ITCH: variants seen among roughly 807,000 people sequenced by gnomAD.
ITCH encodes E3 ubiquitin-protein ligase Itchy homolog.
A neutral mutation model predicts 126.8 loss-of-function variants in ITCH; 28 were observed. The ratio of observed to expected loss-of-function variants is 0.22; its 90% CI spans 0.16 to 0.30. The LOEUF is 0.30. Ranked by LOEUF, ITCH falls within the 10% of genes least tolerant of loss-of-function variation. The pLI is 1.00. For missense variants in ITCH, 631 were observed against 1,032.4 expected, an observed-to-expected ratio of 0.61 and a Z score of 5.33; for synonymous variants, 342 against 340.0, an observed-to-expected ratio of 1.01 and a Z score of -0.06.
chr20:34,470,252 T>C (rs1987488785), intron 15 of ITCH, 132 bp downstream of exon 15: 1 of 792,094 alleles, frequency 1.3e-6, no homozygotes, highest in Non-Finnish European at 2.3e-6. Flanking sequence ...CTTTCATCTA[T>C]TTTTAGAGCA....
At chr20:34,365,758 C>G (rs1343185150) in intron 1 of ITCH, among the ~76,000 whole-genome samples, 1 of 152,142 alleles carries the variant, frequency 6.6e-6, no homozygotes, top group Non-Finnish European at 1.5e-5. Flanking sequence ...GCAGACAAAC[C>G]AGTAGTCCCC....
rs1294099257 is a variant in ITCH at position 34,509,244 on chromosome 20, T to C, written c.*1450T>C. On this transcript the variant is annotated 3_prime_UTR_variant, in exon 25 of 25. Transcript: ENST00000374864. ...GCTTCGACTGTCAAGGTGGCTGTTA[T>C]AAATTTGACTTCATTGGCAGTGGAT... is the stretch of plus-strand genomic sequence containing the variant. The C allele has an allele frequency of 6.6e-6, 1 of 152,462 alleles. No homozygotes were observed. Among genetic ancestry groups the C allele is most frequent in the African/African-American group, 2.4e-5 (1 of 41,458 alleles). The allele number at this position is 152,462 out of a possible 1,614,324, so 9.4% of individuals were successfully genotyped here. A position where few individuals can be genotyped will look rare whatever the true frequency, so the allele number is the denominator to read the frequency against.
chr20:34,471,387 T>C, intron 15 of ITCH, 57 bp from the exon 16 acceptor site: 2 of 1,011,102 alleles, frequency 2.0e-6, no homozygotes, highest in East Asian at 4.7e-5. Flanking sequence ...CCCTTTTGAT[T>C]TTTTTGATAG....
chr20:34,456,658 AT>A (rs2146353340), intron 12 of ITCH, among the ~76,000 whole-genome samples: 1 of 143,230 alleles, frequency 7.0e-6, no homozygotes, highest in East Asian at 2.1e-4. Flanking sequence ...ATATATATAT[AT>A]GTGTGTGTGT....
intron 1 of ITCH, among the ~76,000 whole-genome samples, chr20:34,368,969 C>T (rs1041596514): frequency 6.6e-6 from 1 of 152,148 alleles, no homozygotes; most frequent in Non-Finnish European, 1.5e-5. Context: ...TTGTCTATCC[C>T]ATGAAATTTT....
Position 34,424,533 on chromosome 20 carries a change from T to C in ITCH, c.521+8T>C. On this transcript the variant is annotated splice_region_variant and intron_variant, in intron 7 of 24. Transcript: ENST00000374864. ...ATCCAAGGATGAAACAAGGTAAGCA[T>C]TCACTGATTGCTTACCACAGAATGC... 2 of 1,603,450 alleles carry C rather than the reference T, an allele frequency of 1.2e-6. No homozygotes were observed. The highest frequency in any genetic ancestry group is 2.2e-5 in the South Asian group (2 of 90,870).
chr20:34,433,669 A>C (rs1356963560), intron 7 of ITCH, among the ~76,000 whole-genome samples: 1 of 151,886 alleles, frequency 6.6e-6, no homozygotes, highest in Non-Finnish European at 1.5e-5. Context: ...AAAAAAAAAA[A>C]AAACCCAAAA....
At chr20:34,367,617 A>G (rs6087577) in intron 1 of ITCH, among the ~76,000 whole-genome samples, 74,112 of 152,080 alleles carry the variant, frequency 0.49, 18,522 homozygotes, top group Admixed American at 0.61. Flanking sequence ...TGGTTGATCA[A>G]TGATGTCTCC....
rs377347914 is a variant in ITCH at position 34,380,406 on chromosome 20, CA to C, written c.-22+10937del. Among the ~76,000 whole-genome samples, 599 of 152,106 alleles carry C rather than the reference CA, an allele frequency of 3.9e-3. 4 individuals are homozygous for C. Among genetic ancestry groups the C allele is most frequent in the South Asian group, 0.028 (133 of 4,822 alleles). On this transcript the variant is annotated intron_variant, in intron 2 of 24. Transcript: ENST00000374864. The stretch of plus-strand genomic sequence containing the variant: ...CTGTGATTTTAAATCATGAAATTAA[CA>C]TTGAACTATGCTAGAGATACTAGTT...
intron 3 of ITCH, among the ~76,000 whole-genome samples, chr20:34,397,398 A>G (rs903450792): frequency 6.6e-6 from 1 of 152,208 alleles, no homozygotes; most frequent in African/African-American, 2.4e-5. Flanking sequence ...ATGTATTTCT[A>G]TCACACAATG....
chr20:34,391,049 G>A (rs1376379291), intron 2 of ITCH, among the ~76,000 whole-genome samples: 6 of 150,552 alleles, frequency 4.0e-5, no homozygotes, highest in African/African-American at 1.2e-4. Context: ...CACCACGCCC[G>A]GCCTAGATTT....
At chr20:34,365,309 C>T (rs1275522139) in intron 1 of ITCH, among the ~76,000 whole-genome samples, 1 of 152,118 alleles carries the variant, frequency 6.6e-6, no homozygotes, top group African/African-American at 2.4e-5. Flanking sequence ...ATTCAGCATA[C>T]AGGTCAAGTC....
chr20:34,371,259 A>C (rs1311249078), intron 2 of ITCH, among the ~76,000 whole-genome samples: 1 of 151,072 alleles, frequency 6.6e-6, no homozygotes, highest in East Asian at 1.9e-4. Context: ...ATATATCCAA[A>C]GGAAATAAAA....
At chr20:34,381,070 G>A (rs1434867675) in intron 2 of ITCH, among the ~76,000 whole-genome samples, 1 of 152,068 alleles carries the variant, frequency 6.6e-6, no homozygotes, top group East Asian at 1.9e-4. Context: ...TTACCGGTGT[G>A]AGCCACTGCG....
chr20:34,374,651 C>G (rs1051498198), intron 2 of ITCH, among the ~76,000 whole-genome samples: 2 of 152,026 alleles, frequency 1.3e-5, no homozygotes, highest in Non-Finnish European at 2.9e-5. Flanking sequence ...TAAGTAATGA[C>G]AGATCAGACT....
At chr20:34,482,971 G>A (rs1000481035) in intron 20 of ITCH, among the ~76,000 whole-genome samples, 7 of 152,152 alleles carry the variant, frequency 4.6e-5, no homozygotes, top group African/African-American at 9.7e-5. Context: ...TCAACAGCAC[G>A]TGGAAGCTGC....
At chr20:34,373,225 C>T (rs1298333006) in intron 2 of ITCH, among the ~76,000 whole-genome samples, 1 of 151,482 alleles carries the variant, frequency 6.6e-6, no homozygotes, top group Non-Finnish European at 1.5e-5. Flanking sequence ...CCACCTGCCT[C>T]GACCTCCCAA....
intron 3 of ITCH, among the ~76,000 whole-genome samples, chr20:34,400,491 T>C (rs1601810212): frequency 6.6e-6 from 1 of 152,130 alleles, no homozygotes; most frequent in East Asian, 1.9e-4. Context: ...GCTCCTATAA[T>C]AGGGGAGCCC....
At chr20:34,437,128 CAAAAA>C (rs573957007) in intron 7 of ITCH, among the ~76,000 whole-genome samples, 1 of 136,544 alleles carries the variant, frequency 7.3e-6, no homozygotes, top group Non-Finnish European at 1.6e-5. Context: ...GACGCTGTCT[CAAAAA>C]AAAAAGGAAA....
Sources: gnomAD v4.1 joint callset for allele counts (sites outside exome capture counted in the v4.1 genomes callset) on GRCh38, gnomAD v4.1.1 for gene constraint, MANE v1.5 for transcripts, NCBI Gene and HGNC (gene_info 2026-07-23, HGNC 2026-07-21) for gene names.